Variants in KHDRBS2 observed in about 807,000 individuals in gnomAD.
KHDRBS2 encodes KH domain-containing, RNA-binding, signal transduction-associated protein 2.
Under a neutral mutation model 44.3 loss-of-function variants are expected in KHDRBS2, and 26 were observed. The ratio of observed to expected loss-of-function variants is 0.59; its 90% confidence interval spans 0.43 to 0.81. KHDRBS2 has a LOEUF of 0.81. Ranked by LOEUF, KHDRBS2 falls within the 40% of genes least tolerant of loss-of-function variation. The pLI is 0.00. For missense variants in KHDRBS2, 476 were observed against 433.1 expected (o/e 1.10, Z -0.88); for synonymous variants, 194 against 151.1 (o/e 1.28, Z -2.08).
At chr6:62,177,112 G>A in intron 2 of KHDRBS2, 73 bp downstream of exon 2, 6 of 894,706 alleles carry the variant, frequency 6.7e-6, no homozygotes, top group Non-Finnish European at 9.9e-6. Context: ...TTATAAAAGT[G>A]AATAATTAAA....
intron 1 of KHDRBS2, among the ~76,000 whole-genome samples, chr6:62,198,633 T>C (rs1355566365): frequency 6.6e-6 from 1 of 152,150 alleles, no homozygotes; most frequent in Non-Finnish European, 1.5e-5. Context: ...CCAGATGGAT[T>C]CACAGCCGAA....
intron 4 of KHDRBS2, among the ~76,000 whole-genome samples, chr6:61,949,149 A>G (rs1270879215): frequency 6.6e-6 from 1 of 152,118 alleles, no homozygotes; most frequent in Non-Finnish European, 1.5e-5. Flanking sequence ...CCCACTGAAT[A>G]GTGGTAATTA....
chr6:61,923,531 C>T (rs115234298), intron 4 of KHDRBS2, among the ~76,000 whole-genome samples: 2,564 of 152,102 alleles, frequency 0.017, 31 homozygotes, highest in Non-Finnish European at 0.027. Flanking sequence ...ATTTAAAAAT[C>T]AATCAGTGTA....
intron 3 of KHDRBS2, among the ~76,000 whole-genome samples, chr6:62,030,179 T>C (rs1784089196): frequency 6.6e-6 from 1 of 152,044 alleles, no homozygotes; most frequent in South Asian, 2.1e-4. Context: ...AGATGAAGAT[T>C]TCTAATATCA....
chr6:62,131,425 T>G (rs1271045959), intron 2 of KHDRBS2, among the ~76,000 whole-genome samples: 1 of 152,342 alleles, frequency 6.6e-6, no homozygotes, highest in Admixed American at 6.5e-5. Flanking sequence ...GAGTAGTGCA[T>G]AGGGGCAGTA....
chr6:61,736,687 C>T (rs954509063), intron 6 of KHDRBS2, among the ~76,000 whole-genome samples: 9 of 151,906 alleles, frequency 5.9e-5, no homozygotes, highest in African/African-American at 2.2e-4. Context: ...CTTCAGGGCT[C>T]CAGGGCTCCT....
intron 4 of KHDRBS2, among the ~76,000 whole-genome samples, chr6:61,947,622 G>A (rs1813632258): frequency 6.6e-6 from 1 of 151,918 alleles, no homozygotes; most frequent in Non-Finnish European, 1.5e-5. Context: ...GGTCCTAGTG[G>A]ATCACAAAAT....
chr6:61,663,252 G>T, the KHDRBS2 span, among the ~76,000 whole-genome samples: 1 of 88,738 alleles, frequency 1.1e-5, no homozygotes, highest in Non-Finnish European at 2.1e-5. Flanking sequence ...GCCTGTTGTG[G>T]GGTGGGGGGA....
At chr6:62,277,775 T>G (rs1036881851) in intron 1 of KHDRBS2, among the ~76,000 whole-genome samples, 1 of 152,238 alleles carries the variant, frequency 6.6e-6, no homozygotes, top group Non-Finnish European at 1.5e-5. Flanking sequence ...AATGCTTTTA[T>G]GATTGTTTAT....
the KHDRBS2 span, among the ~76,000 whole-genome samples, chr6:61,575,709 C>T: frequency 1.3e-5 from 2 of 152,092 alleles, no homozygotes; most frequent in East Asian, 1.9e-4. Context: ...AGCCTAAATG[C>T]CCAGCAACCA....
intron 6 of KHDRBS2, among the ~76,000 whole-genome samples, chr6:61,775,540 C>T (rs909110165): frequency 6.6e-6 from 1 of 152,068 alleles, no homozygotes; most frequent in South Asian, 2.1e-4. Context: ...CTCCCATTCA[C>T]AATTGCTTCA....
intron 6 of KHDRBS2, among the ~76,000 whole-genome samples, chr6:61,832,242 C>T (rs1321851611): frequency 1.3e-5 from 2 of 151,748 alleles, no homozygotes; most frequent in East Asian, 3.9e-4. Context: ...TCAAAAGAAA[C>T]AACAAAAAAA....
At chr6:61,852,777 ATAAT>A (rs1246562424) in intron 6 of KHDRBS2, among the ~76,000 whole-genome samples, 1 of 152,188 alleles carries the variant, frequency 6.6e-6, no homozygotes, top group African/African-American at 2.4e-5. Context: ...CTTTTCTTAA[ATAAT>A]TTATTAAAAT....
chr6:61,712,959 G>A (rs1442107026), intron 7 of KHDRBS2, among the ~76,000 whole-genome samples: 1 of 151,496 alleles, frequency 6.6e-6, no homozygotes, highest in African/African-American at 2.4e-5. Context: ...TTCTTAAATA[G>A]GGTGTCTGAA....
intron 4 of KHDRBS2, among the ~76,000 whole-genome samples, chr6:61,902,110 T>C (rs1804161349): frequency 6.6e-6 from 1 of 152,100 alleles, no homozygotes; most frequent in African/African-American, 2.4e-5. Flanking sequence ...CACACCACCA[T>C]GCCCGGCTAA....
chr6:62,249,662 T>A (rs1836199087), intron 1 of KHDRBS2, among the ~76,000 whole-genome samples: 1 of 152,032 alleles, frequency 6.6e-6, no homozygotes, highest in Non-Finnish European at 1.5e-5. Flanking sequence ...CAGGCGGCCA[T>A]TTAACTGTAA....
At chr6:61,757,989 C>T (rs989390059) in intron 6 of KHDRBS2, among the ~76,000 whole-genome samples, 7 of 152,146 alleles carry the variant, frequency 4.6e-5, no homozygotes, top group African/African-American at 1.7e-4. Context: ...AGGTACTGAT[C>T]AATATTCTGC....
At chr6:61,546,320 A>T in the KHDRBS2 span, among the ~76,000 whole-genome samples, 1 of 152,166 alleles carries the variant, frequency 6.6e-6, no homozygotes, top group South Asian at 2.1e-4. Flanking sequence ...TTTAAGAAAA[A>T]CAAAACTTTA....
chr6:61,706,520 G>C (rs148581432), intron 7 of KHDRBS2, among the ~76,000 whole-genome samples: 1 of 151,746 alleles, frequency 6.6e-6, no homozygotes, highest in Non-Finnish European at 1.5e-5. Context: ...TGAGGCTTGG[G>C]TTTAAGGTAT....
Sources: gnomAD v4.1 joint callset for allele counts (sites outside exome capture counted in the v4.1 genomes callset) on GRCh38, gnomAD v4.1.1 for gene constraint, MANE v1.5 for transcripts, NCBI Gene and HGNC (gene_info 2026-07-23, HGNC 2026-07-21) for gene names.